ZNF541: variants seen among roughly 807,000 people sequenced by gnomAD.
The protein encoded by ZNF541 is zinc finger protein 541.
In ZNF541, 23 loss-of-function variants were observed where a neutral mutation model predicts 123.5. The ratio of observed to expected loss-of-function variants is 0.19; its 90% CI spans 0.13 to 0.26. The LOEUF is 0.26. Ranked by LOEUF, ZNF541 falls within the 10% of genes least tolerant of loss-of-function variation. The pLI is 1.00. For missense variants in ZNF541, 1,612 were observed against 1,789.9 expected, an observed-to-expected ratio of 0.90 and a Z score of 1.79; for synonymous variants, 751 against 754.5, an observed-to-expected ratio of 1.00 and a Z score of 0.08.
intron 5 of ZNF541, 92 bp from the exon 6 acceptor site, chr19:47,541,043 A>G (rs1970059825): frequency 1.1e-5 from 14 of 1,219,160 alleles, no homozygotes; most frequent in Non-Finnish European, 1.6e-5. Flanking sequence ...ACATCAGAGT[A>G]AATCTTCATG....
At position 47,529,059 on chromosome 19, in the gene ZNF541, CA is replaced by C. The variant is rs751775420; in HGVS notation, c.3482-22del. 3.9e-6 allele frequency: 6 copies of C among 1,535,884 alleles called. No homozygotes were observed. In the African/African-American group the frequency reaches 4.1e-5, roughly 11 times the overall value. On this transcript the variant is annotated intron_variant, in intron 13 of 16. Coordinates refer to ENST00000391901, the MANE Select transcript of ZNF541 (RefSeq NM_001277075.3). The stretch of plus-strand genomic sequence containing the variant: ...TGAACCTATCAAAGAACACAGCCAA[CA>C]GGGGGAAGGCCATTTGTCCTGGGAC...
At chr19:47,542,858 T>G (rs962152328) in intron 5 of ZNF541, among the ~76,000 whole-genome samples, 1 of 152,022 alleles carries the variant, frequency 6.6e-6, no homozygotes, top group African/African-American at 2.4e-5. Flanking sequence ...GGCAGAGAAC[T>G]GCTTGAACCC....
chr19:47,538,572 A>G, intron 8 of ZNF541, 133 bp from the exon 9 acceptor site: 1 of 979,330 alleles, frequency 1.0e-6, no homozygotes, highest in Non-Finnish European at 1.5e-6. Context: ...CCGGCAAAGG[A>G]GGCTGGCCAC....
Position 47,544,753 on chromosome 19 carries a change from C to G in ZNF541, c.1776G>C (p.Pro592=), listed in dbSNP as rs1360234801. Residue 592 remains proline (P), a synonymous_variant, in exon 5 of 17, where the codon CCG becomes CCC. Coordinates refer to ENST00000391901, the MANE Select transcript of ZNF541 (RefSeq NM_001277075.3). ...APEGKPAALR[P]LQGPWPQQPP... ...GCTGCTGCGGCCACGGCCCCTGCAG[C>G]GGCCTCAGGGCGGCTGGTTTGCCCT... is the stretch of plus-strand genomic sequence containing the variant. The G allele has an allele frequency of 1.3e-6, 2 of 1,501,590 alleles. No individual in the cohort carries two copies. Among genetic ancestry groups the G allele is most frequent in the Non-Finnish European group, 1.8e-6 (2 of 1,127,770 alleles). The allele number at this position is 1,501,590 out of a possible 1,614,324, so 93.0% of individuals were successfully genotyped here.
chr19:47,535,573 A>G lies in ZNF541; in HGVS notation c.3094+2569T>C, dbSNP rs1244034970. Among the ~76,000 whole-genome samples, 4 of 152,240 alleles carry G rather than the reference A, an allele frequency of 2.6e-5. No homozygotes were observed. The South Asian group carries it at 8.3e-4, about 31-fold the overall frequency. On this transcript the variant is annotated intron_variant, in intron 9 of 16. Transcript: ENST00000391901. ...AAACAGTTAAATATGGAGTTACCATATGACCCAGCACTACACTCCTAGTTA... is the reference window on the plus strand; with the variant it reads ...AAACAGTTAAATATGGAGTTACCATGTGACCCAGCACTACACTCCTAGTTA...
At chr19:47,547,930 C>A (rs1299708726) in intron 4 of ZNF541, among the ~76,000 whole-genome samples, 1 of 151,268 alleles carries the variant, frequency 6.6e-6, no homozygotes, top group Admixed American at 6.6e-5. Flanking sequence ...GTCCTAGCTA[C>A]TCAAGATGAG....
intron 1 of ZNF541, among the ~76,000 whole-genome samples, chr19:47,572,721 C>T (rs1180509233): frequency 6.6e-6 from 1 of 150,956 alleles, no homozygotes. Flanking sequence ...TCGGGTAGGG[C>T]CCGCGGCGCG....
At chr19:47,535,459 CAAG>C (rs1969771819) in intron 9 of ZNF541, among the ~76,000 whole-genome samples, 1 of 152,112 alleles carries the variant, frequency 6.6e-6, no homozygotes, top group Non-Finnish European at 1.5e-5. Flanking sequence ...CAAGTGTTGA[CAAG>C]AAGGAGGAGA....
chr19:47,534,074 A>G (rs1157404949), intron 9 of ZNF541, among the ~76,000 whole-genome samples: 1 of 152,226 alleles, frequency 6.6e-6, no homozygotes, highest in Non-Finnish European at 1.5e-5. Flanking sequence ...AGAAATTATT[A>G]AAAAGAGAGA....
At chr19:47,571,346 C>T (rs184221325) in intron 2 of ZNF541, among the ~76,000 whole-genome samples, 16 of 152,254 alleles carry the variant, frequency 1.1e-4, no homozygotes, top group Admixed American at 5.9e-4. Context: ...ACTCCTCAGC[C>T]GCCTCGGCCT....
rs1446952474 is a variant in ZNF541, at chr19:47,544,455, T to A, written c.2074A>T (p.Ile692Phe). 5 of 1,551,656 alleles carry A rather than the reference T, an allele frequency of 3.2e-6. No individual in the cohort carries two copies. The East Asian group carries it at 1.2e-4, about 38-fold the overall frequency. The stretch of plus-strand genomic sequence containing the variant: ...TGCCGTTGGCCTGTGGAGGGGAAGA[T>A]GTCCTCCAGGTCCAAGGTCCCTTTA... The part of the protein sequence containing the change: ...SSKGTLDLED[I>F]FPSTGQRQTQ... The change falls in exon 5 of 17, where the codon ATC (isoleucine) becomes TTC (phenylalanine). Residue 692 changes from isoleucine (I) to phenylalanine (F), a missense_variant. By Grantham distance (21) the Ile-to-Phe change is conservative (BLOSUM62 0). Coordinates refer to ENST00000391901, the MANE Select transcript of ZNF541 (RefSeq NM_001277075.3).
chr19:47,534,985 TTTTCTGTTGCCCAGGCTGGAG>T (rs1036305845), intron 9 of ZNF541, among the ~76,000 whole-genome samples: 2 of 152,048 alleles, frequency 1.3e-5, no homozygotes, highest in Non-Finnish European at 2.9e-5. Flanking sequence ...TTTTTTTTTT[TTTTCTGTTGCCCAGGCTGGAG>T]TGCAGTGGTG....
chr19:47,528,112 C>T (rs1184150192), intron 14 of ZNF541, among the ~76,000 whole-genome samples: 2 of 136,534 alleles, frequency 1.5e-5, no homozygotes, highest in African/African-American at 2.7e-5. Flanking sequence ...GTCGGGGGTT[C>T]GAGACTAGCC....
intron 1 of ZNF541, among the ~76,000 whole-genome samples, chr19:47,572,421 G>C (rs12976132): frequency 6.6e-6 from 1 of 152,232 alleles, no homozygotes; most frequent in East Asian, 1.9e-4. Flanking sequence ...ATTCCAAAAA[G>C]GGGCACTCTA....
chr19:47,551,703 T>C (rs1970608555), intron 3 of ZNF541, among the ~76,000 whole-genome samples: 1 of 150,026 alleles, frequency 6.7e-6, no homozygotes, highest in South Asian at 2.1e-4. Context: ...GATTTTTAAA[T>C]TGTTATTTGT....
At chr19:47,556,831 C>T (rs968717062) in intron 2 of ZNF541, among the ~76,000 whole-genome samples, 1 of 148,968 alleles carries the variant, frequency 6.7e-6, no homozygotes, top group African/African-American at 2.5e-5. Flanking sequence ...GATCTCGGCT[C>T]ACTGCAACCT....
At position 47,540,279 on chromosome 19, in the gene ZNF541, C is replaced by G. The variant is rs573570878; in HGVS notation, c.2519G>C (p.Cys840Ser). ...DWTKPRSTFV[C>S]KNCSQMFYTE... ...ATAAAACATCTGGCTGCAGTTCTTG[C>G]AGACAAAAGTGCTCCTGGGCTTCGT... is the stretch of plus-strand genomic sequence containing the variant. Residue 840 changes from cysteine to serine, a missense_variant, in exon 7 of 17, where the codon TGC becomes TCC. This residue lies in a region of ZNF541 where 1,080 missense variants were observed against 1,013.8 expected (regional missense o/e 1.07). Transcript: ENST00000391901. The G allele has an allele frequency of 2.4e-4, 365 of 1,551,992 alleles. 1 individual carries two copies. The highest frequency in any genetic ancestry group is 3.9e-4 in the Admixed American group (20 of 50,998).
rs140287539 is a variant in ZNF541, at chr19:47,526,439, G to A, written c.3570+2511C>T. ...AGAGGTTGCAGTGAGCATGGATTGCGCCACTGCATTCCAGCCTGGGCAACA... is the reference window on the plus strand; with the variant it reads ...AGAGGTTGCAGTGAGCATGGATTGCACCACTGCATTCCAGCCTGGGCAACA... On this transcript the variant is annotated intron_variant, in intron 14 of 16. Transcript: ENST00000391901. Among the ~76,000 whole-genome samples the A allele has an allele frequency of 4.5e-4, 64 of 141,836 alleles. No homozygotes were observed. The East Asian group carries it at 0.011, about 25-fold the overall frequency. 93.0% of individuals were successfully genotyped at this position (141,836 alleles called of 152,430 possible). A position where few individuals can be genotyped will look rare whatever the true frequency, so the allele number is the denominator to read the frequency against.
At chr19:47,564,197 G>A (rs951188796) in intron 2 of ZNF541, among the ~76,000 whole-genome samples, 9 of 152,130 alleles carry the variant, frequency 5.9e-5, no homozygotes, top group Admixed American at 3.9e-4. Context: ...GGGTCAGGGG[G>A]AAGAATGTCT....
Sources: allele counts gnomAD v4.1 joint callset (sites outside exome capture counted in the v4.1 genomes callset), GRCh38; gene constraint gnomAD v4.1.1; regional missense constraint gnomAD v4.1.1; transcripts MANE v1.5; gene names NCBI Gene and HGNC (gene_info 2026-07-23, HGNC 2026-07-21).